The following KLHL12 variants were observed in gnomAD, a reference collection of about 807,000 sequenced individuals.
The protein encoded by KLHL12 is kelch-like protein 12.
A neutral mutation model predicts 60.8 loss-of-function variants in KLHL12; 17 were observed. That is an observed-to-expected ratio of 0.28 (90% CI 0.19 to 0.42). The LOEUF is 0.42. Ranked by LOEUF, KLHL12 falls within the 10% of genes least tolerant of loss-of-function variation. The pLI, the probability that KLHL12 is intolerant of heterozygous loss-of-function variation, is 1.00. For missense variants in KLHL12, 468 were observed against 722.3 expected (o/e 0.65, Z 4.04); for synonymous variants, 220 against 250.9 (o/e 0.88, Z 1.16).
chr1:202,926,761 A>G (rs1653580213), intron 1 of KLHL12, among the ~76,000 whole-genome samples: 1 of 152,180 alleles, frequency 6.6e-6, no homozygotes, highest in Non-Finnish European at 1.5e-5. Context: ...GAATGGAGGG[A>G]TTCCACTTCG....
intron 2 of KLHL12, among the ~76,000 whole-genome samples, chr1:202,924,036 T>TA (rs1212438529): frequency 5.3e-5 from 8 of 152,202 alleles, no homozygotes; most frequent in Non-Finnish European, 1.2e-4. Flanking sequence ...AATCTGCTCT[T>TA]AAAATGAGAC....
At chr1:202,924,580 T>C (rs890807121) in intron 2 of KLHL12, among the ~76,000 whole-genome samples, 1 of 152,066 alleles carries the variant, frequency 6.6e-6, no homozygotes, top group Non-Finnish European at 1.5e-5. Flanking sequence ...GGCAACATAG[T>C]GAGACCCTGT....
rs1659710215 is a variant in KLHL12 at position 202,892,583 on chromosome 1, T to C, written c.1657A>G (p.Met553Val). Residue 553 changes from methionine to valine, a missense_variant, in exon 12 of 12, where the codon ATG becomes GTG. Met to Val is a conservative substitution (Grantham distance 21). Coordinates refer to ENST00000367261, the MANE Select transcript of KLHL12 (RefSeq NM_021633.4). ...IIDSWEVVTS[M>V]GTQRCDAGVC... ...CCAGCATCACAGCGCTGGGTTCCCA[T>C]GGATGTCACGACTTCCCAGCTGTCG... The C allele has an allele frequency of 4.3e-6, 7 of 1,614,106 alleles. No homozygotes were observed. Among genetic ancestry groups the C allele is most frequent in the Non-Finnish European group, 5.9e-6 (7 of 1,180,016 alleles).
Position 202,895,676 on chromosome 1 carries a change from A to G in KLHL12, c.981T>C (p.Leu327=). ...RKRRYVASVS[L]HDRIYVIGGY... is the part of the protein sequence containing the mutation. ...CACCAATGACGTAGATCCGGTCATG[A>G]AGGGACACTGAGGCCACATAACGTC... Residue 327 remains leucine (L), a synonymous_variant, in exon 8 of 12, where the codon CTT becomes CTC. Transcript: ENST00000367261. This position sits in a 1 kb window ranked among gnomAD's most constrained non-coding sequence, Gnocchi z 4.2. The G allele has an allele frequency of 6.2e-7, 1 of 1,614,182 alleles. No homozygotes were observed. The highest frequency in any genetic ancestry group is 8.5e-7 in the Non-Finnish European group (1 of 1,180,008).
At chr1:202,905,014 A>C (rs7516884) in intron 6 of KLHL12, among the ~76,000 whole-genome samples, 1 of 152,240 alleles carries the variant, frequency 6.6e-6, no homozygotes, top group Non-Finnish European at 1.5e-5. Context: ...TTAGCAGCCA[A>C]TATGCATAGA....
At chr1:202,908,250 C>G (rs1287179659) in intron 6 of KLHL12, among the ~76,000 whole-genome samples, 1 of 152,170 alleles carries the variant, frequency 6.6e-6, no homozygotes, top group Non-Finnish European at 1.5e-5. Flanking sequence ...CACTAACTCT[C>G]ATCTTAGTGG....
At chr1:202,898,794 C>T (rs1222707258) in intron 6 of KLHL12, among the ~76,000 whole-genome samples, 2 of 151,856 alleles carry the variant, frequency 1.3e-5, no homozygotes, top group Admixed American at 6.6e-5. Context: ...TCACGAGCAA[C>T]GTGTGGACTT....
At chr1:202,919,704 C>G (rs781041653) in intron 3 of KLHL12, 51 bp downstream of exon 3, 43 of 1,530,200 alleles carry the variant, frequency 2.8e-5, no homozygotes, top group Non-Finnish European at 3.8e-5. Flanking sequence ...TAATTTTCAA[C>G]CTTTCCAGGG....
chr1:202,920,015 T>C lies in KLHL12; in HGVS notation c.196-107A>G. The C allele has an allele frequency of 2.8e-6, 3 of 1,078,450 alleles. No individual in the cohort carries two copies. The East Asian group carries it at 8.0e-5, about 29-fold the overall frequency. The allele number at this position is 1,078,450 out of a possible 1,614,324, so 66.8% of individuals were successfully genotyped here. A position where few individuals can be genotyped will look rare whatever the true frequency, so the allele number is the denominator to read the frequency against. ...ATGTTAATAATATTAATTGAACATT[T>C]ATCTTTAAAAATTACAGGCCAGGCG... On this transcript the variant is annotated intron_variant, in intron 2 of 11. Transcript: ENST00000367261.
chr1:202,901,915 G>C (rs1660018728), intron 6 of KLHL12, among the ~76,000 whole-genome samples: 1 of 152,094 alleles, frequency 6.6e-6, no homozygotes, highest in African/African-American at 2.4e-5. Flanking sequence ...TCAAGGACTA[G>C]TATAATCACC....
chr1:202,892,518 G>C lies in KLHL12; in HGVS notation c.*15C>G. ...CTGGACTGGTCACTAGCTCTGGATGGTGCTCCAACAATGGTCACTTCTCGC... is the reference window on the plus strand; with the variant it reads ...CTGGACTGGTCACTAGCTCTGGATGCTGCTCCAACAATGGTCACTTCTCGC... On this transcript the variant is annotated 3_prime_UTR_variant, in exon 12 of 12. Transcript: ENST00000367261. 1 of 1,612,568 alleles carries C rather than the reference G, an allele frequency of 6.2e-7. No individual in the cohort carries two copies. The highest frequency in any genetic ancestry group is 2.2e-5 in the East Asian group (1 of 44,848).
At chr1:202,897,097 T>C in intron 6 of KLHL12, 137 bp from the exon 7 acceptor site, 1 of 724,324 alleles carries the variant, frequency 1.4e-6, no homozygotes, top group Non-Finnish European at 2.5e-6. Context: ...AAATGGGAGA[T>C]AATCATAAGG....
chr1:202,905,344 G>A (rs1375152442), intron 6 of KLHL12, among the ~76,000 whole-genome samples: 1 of 152,182 alleles, frequency 6.6e-6, no homozygotes, highest in Non-Finnish European at 1.5e-5. Context: ...CAAATAATGA[G>A]TGCTATCATG....
chr1:202,917,527 C>A (rs1205228752), intron 4 of KLHL12, among the ~76,000 whole-genome samples: 1 of 152,188 alleles, frequency 6.6e-6, no homozygotes, highest in African/African-American at 2.4e-5. Flanking sequence ...CCTTTAACAT[C>A]CAGTTCATGT....
At chr1:202,897,228 CTTTTT>C (rs11305071) in intron 6 of KLHL12, among the ~76,000 whole-genome samples, 2 of 82,260 alleles carry the variant, frequency 2.4e-5, no homozygotes, top group African/African-American at 4.5e-5. Context: ...ATTTCTTTTT[CTTTTT>C]TTTTTTTTTT....
chr1:202,896,780 A>G (rs904005450), intron 7 of KLHL12, 74 bp downstream of exon 7: 83 of 1,109,444 alleles, frequency 7.5e-5, no homozygotes, highest in Non-Finnish European at 1.1e-4. Context: ...TTAAGGCTGG[A>G]TTAGCTATGA....
chr1:202,927,763 T>C (rs933003329), upstream of KLHL12, among the ~76,000 whole-genome samples: 11 of 138,332 alleles, frequency 8.0e-5, no homozygotes, highest in African/African-American at 3.0e-4. Flanking sequence ...GTGTATTACT[T>C]GAGGTCAGGA....
At chr1:202,897,014 A>C in intron 6 of KLHL12, 54 bp from the exon 7 acceptor site, 2 of 1,311,300 alleles carry the variant, frequency 1.5e-6, no homozygotes, top group Middle Eastern at 3.7e-4. Context: ...TGGATGGGTA[A>C]CTAGTCACAG....
intron 2 of KLHL12, among the ~76,000 whole-genome samples, chr1:202,922,647 C>T (rs570998262): frequency 1.5e-4 from 22 of 151,654 alleles, no homozygotes; most frequent in African/African-American, 4.3e-4. Context: ...CCACCACGCA[C>T]GGCTAATTTT....
Sources: gnomAD v4.1 joint callset for allele counts (sites outside exome capture counted in the v4.1 genomes callset) on GRCh38, gnomAD v4.1.1 for gene constraint, Gnocchi (gnomAD v3.1) non-coding constraint, MANE v1.5 for transcripts, NCBI Gene and HGNC (gene_info 2026-07-23, HGNC 2026-07-21) for gene names.